The following BLM variants were observed in gnomAD, a reference collection of about 807,000 sequenced individuals.
BLM encodes recQ-like DNA helicase BLM.
In BLM, 95 loss-of-function variants were observed where a neutral mutation model predicts 135.3. That is an observed-to-expected ratio of 0.70 (90% CI 0.59 to 0.83). The LOEUF (loss-of-function observed/expected upper bound fraction) is 0.83. Ranked by LOEUF, BLM falls within the 40% of genes least tolerant of loss-of-function variation. The pLI is 0.00. For missense variants in BLM, 1,518 were observed against 1,663.9 expected, an observed-to-expected ratio of 0.91 and a Z score of 1.53; for synonymous variants, 520 against 589.2, an observed-to-expected ratio of 0.88 and a Z score of 1.70.
chr15:90,765,575 CT>C (rs752156595), intron 9 of BLM, among the ~76,000 whole-genome samples, 161 bp downstream of exon 9: 4 of 152,346 alleles, frequency 2.6e-5, no homozygotes, highest in Non-Finnish European at 5.9e-5. Context: ...CAGATAACCT[CT>C]AGTTCAATCT....
At chr15:90,809,338 G>A (rs1244310129) in intron 20 of BLM, 79 bp downstream of exon 20, 10 of 1,601,994 alleles carry the variant, frequency 6.2e-6, no homozygotes, top group Non-Finnish European at 8.5e-6. Flanking sequence ...GAAGGATGCA[G>A]TTGTGTGAAT....
At position 90,747,435 on chromosome 15, in the gene BLM, C is replaced by T. The variant is rs148545569; in HGVS notation, c.43C>T (p.Arg15Cys). 488 of 1,611,612 alleles carry T rather than the reference C, an allele frequency of 3.0e-4. No homozygotes were observed. The highest frequency in any genetic ancestry group is 3.8e-4 in the Non-Finnish European group (449 of 1,178,732). Residue 15 changes from arginine (R) to cysteine (C), a missense_variant, in exon 2 of 22, where the codon CGT becomes TGT. Transcript: ENST00000355112. Reference protein sequence around the residue: ...PQNNLQEQLERHSARTLNNKL... With the variant: ...PQNNLQEQLECHSARTLNNKL... ...AAATAATCTACAGGAGCAACTAGAA[C>T]GTCACTCAGCCAGAACACTTAATAA...
rs1361231725 is a variant in BLM, at chr15:90,754,817, A to G, written c.966A>G (p.Leu322=). The change falls in exon 5 of 22, where the codon TTA becomes TTG. Residue 322 remains leucine, a synonymous_variant. Coordinates refer to ENST00000355112, the MANE Select transcript of BLM (RefSeq NM_000057.4). ...ACATTTTTTTTATTTGCAGTACGTTAAAGGACCTTGACACCTCTGACAGAA... is the reference window on the plus strand; with the variant it reads ...ACATTTTTTTTATTTGCAGTACGTTGAAGGACCTTGACACCTCTGACAGAA... ...SSSSSKCLST[L]KDLDTSDRKE... The G allele has an allele frequency of 6.2e-7, 1 of 1,613,756 alleles. No individual in the cohort carries two copies. Among genetic ancestry groups the G allele is most frequent in the African/African-American group, 1.3e-5 (1 of 75,052 alleles).
chr15:90,805,517 C>T (rs1021851205), intron 19 of BLM, among the ~76,000 whole-genome samples: 2 of 151,708 alleles, frequency 1.3e-5, no homozygotes, highest in East Asian at 2.0e-4. Context: ...TGGCCGGACA[C>T]GGTGGCTCAC....
intron 13 of BLM, among the ~76,000 whole-genome samples, chr15:90,784,599 G>T (rs1743512919): frequency 6.6e-6 from 1 of 151,604 alleles, no homozygotes; most frequent in African/African-American, 2.4e-5. Flanking sequence ...GCCTCCCAAA[G>T]TGCTGGGATT....
At position 90,763,171 on chromosome 15, in the gene BLM, G is replaced by A. The variant is rs1446850278; in HGVS notation, c.2074+14G>A. 2 of 1,612,996 alleles carry A rather than the reference G, an allele frequency of 1.2e-6. No individual in the cohort carries two copies. The highest frequency in any genetic ancestry group is 1.1e-5 in the South Asian group (1 of 91,032). On this transcript the variant is annotated intron_variant, in intron 8 of 21. Transcript: ENST00000355112. The stretch of plus-strand genomic sequence containing the variant: ...TGATGCCGACTGGTATGTATTTTTA[G>A]AAGTGAATTGGCAGGAATCCATTGG...
In BLM at chr15:90,804,405, C is replaced by T. The variant is rs766130343; in HGVS notation, c.3751+46C>T. On this transcript the variant is annotated intron_variant, in intron 19 of 21. Transcript: ENST00000355112. ...TGTTACGTGGCACAGATTAATAGGC[C>T]GAAAGTTAATCTTGCTAGGGAACTC... is the stretch of plus-strand genomic sequence containing the variant. 3.8e-5 allele frequency: 59 copies of T among 1,539,844 alleles called. No homozygotes were observed. The Admixed American group carries it at 4.2e-4, about 11-fold the overall frequency.
At chr15:90,770,795 T>C (rs975375204) in intron 12 of BLM, among the ~76,000 whole-genome samples, 2 of 152,226 alleles carry the variant, frequency 1.3e-5, no homozygotes, top group African/African-American at 4.8e-5. Context: ...ATAGCAACAG[T>C]ATCTCTTAGA....
intron 1 of BLM, among the ~76,000 whole-genome samples, chr15:90,720,805 G>A (rs1376428506): frequency 6.6e-6 from 1 of 152,042 alleles, no homozygotes; most frequent in Non-Finnish European, 1.5e-5. Flanking sequence ...TGTTGTTCAG[G>A]CTGATCTCGA....
intron 14 of BLM, among the ~76,000 whole-genome samples, chr15:90,789,987 G>GTGTTTTTTTTT (rs1896857496): frequency 1.7e-5 from 1 of 57,358 alleles, no homozygotes; most frequent in South Asian, 8.2e-4. Context: ...AGTCCCTGGT[G>GTGTTTTTTTTT]TTTTTTTTTT....
At chr15:90,765,531 A>C (rs746334289) in intron 9 of BLM, 117 bp downstream of exon 9, 8 of 841,148 alleles carry the variant, frequency 9.5e-6, no homozygotes, top group Non-Finnish European at 1.3e-5. Flanking sequence ...CAGCAGTTAA[A>C]TTTGCAGTTG....
chr15:90,803,618 C>A lies in BLM; in HGVS notation c.3456C>A (p.Asp1152Glu), dbSNP rs1897216087. Residue 1152 changes from aspartate to glutamate, a missense_variant, in exon 18 of 22, where the codon GAC becomes GAA. Asp to Glu is a conservative substitution (Grantham distance 45). Transcript: ENST00000355112. ...AERLFKKLIL[D>E]KILDEDLYIN... ...GACTTTTTAAAAAGCTGATACTTGA[C>A]AAGATTTTGGATGAAGACTTATATA... 6.2e-7 allele frequency: 1 copy of A among 1,614,022 alleles called. No individual in the cohort carries two copies. Among genetic ancestry groups the A allele is most frequent in the South Asian group, 1.1e-5 (1 of 91,070 alleles).
intron 2 of BLM, chr15:90,747,691 C>T: frequency 1.9e-6 from 1 of 520,766 alleles, no homozygotes; most frequent in Non-Finnish European, 3.5e-6. Flanking sequence ...TTGCATGGTT[C>T]CTGGCACATA....
intron 1 of BLM, among the ~76,000 whole-genome samples, chr15:90,720,942 C>A (rs548181484): frequency 6.6e-6 from 1 of 152,212 alleles, no homozygotes; most frequent in Non-Finnish European, 1.5e-5. Flanking sequence ...GCCTATGATC[C>A]CAGCACTTTG....
intron 12 of BLM, among the ~76,000 whole-genome samples, chr15:90,775,593 T>C (rs1003149349): frequency 6.6e-6 from 1 of 151,652 alleles, no homozygotes; most frequent in Non-Finnish European, 1.5e-5. Context: ...ATCTCTGCAA[T>C]CTCCACCTCC....
rs116285189 is a variant in BLM, at chr15:90,738,186, C to T, written c.-4-9203C>T. Among the ~76,000 whole-genome samples, 929 of 152,078 alleles carry T rather than the reference C, an allele frequency of 6.1e-3. 14 individuals are homozygous for T. Among genetic ancestry groups the T allele is most frequent in the African/African-American group, 0.021 (874 of 41,490 alleles). ...TCAGGTATCACCCAACAAAGAAAAG[C>T]TCAGGGCCAGATGGCCTCACTGGTC... On this transcript the variant is annotated intron_variant, in intron 1 of 21. Transcript: ENST00000355112.
intron 8 of BLM, among the ~76,000 whole-genome samples, chr15:90,764,244 A>G (rs1896062535): frequency 6.7e-6 from 1 of 148,320 alleles, no homozygotes. Flanking sequence ...TATATAATAT[A>G]TAATTATATA....
At chr15:90,798,012 G>A (rs969748449) in intron 16 of BLM, among the ~76,000 whole-genome samples, 178 bp from the exon 17 acceptor site, 2 of 152,098 alleles carry the variant, frequency 1.3e-5, no homozygotes, top group Non-Finnish European at 2.9e-5. Flanking sequence ...TAACAACATC[G>A]AGTGGTAGTT....
chr15:90,795,788 G>A (rs28385111), intron 16 of BLM, among the ~76,000 whole-genome samples: 26,047 of 152,168 alleles, frequency 0.17, 2,280 homozygotes, highest in Non-Finnish European at 0.19. Context: ...ATACATGAAA[G>A]GATAAGAGCT....
Sources: allele counts gnomAD v4.1 joint callset (sites outside exome capture counted in the v4.1 genomes callset), GRCh38; gene constraint gnomAD v4.1.1; transcripts MANE v1.5; gene names NCBI Gene and HGNC (gene_info 2026-07-23, HGNC 2026-07-21).